The following NME7 variants were observed in gnomAD, a reference collection of about 807,000 sequenced individuals.
The protein encoded by NME7 is NME/NM23 family member 7, also known as nucleoside diphosphate kinase 7.
Under a neutral mutation model 49.1 loss-of-function variants are expected in NME7, and 41 were observed. The ratio of observed to expected loss-of-function variants is 0.83; its 90% CI spans 0.65 to 1.08. The LOEUF is 1.08. Ranked by LOEUF, NME7 falls within the 50% of genes least tolerant of loss-of-function variation. NME7 has a pLI of 0.00. For missense variants in NME7, 423 were observed against 463.4 expected (o/e 0.91, Z 0.80); for synonymous variants, 139 against 150.6 (o/e 0.92, Z 0.56).
intron 10 of NME7, among the ~76,000 whole-genome samples, chr1:169,200,393 G>A (rs1660513206): frequency 1.3e-5 from 2 of 152,122 alleles, no homozygotes; most frequent in Admixed American, 1.3e-4. Context: ...AGCATAGCCA[G>A]TGAGGGTAAG....
intron 10 of NME7, among the ~76,000 whole-genome samples, chr1:169,205,609 C>A (rs376315864): frequency 6.6e-6 from 1 of 152,094 alleles, no homozygotes; most frequent in Non-Finnish European, 1.5e-5. Context: ...GAATCTCAGG[C>A]GGCCTGGCTC....
chr1:169,253,079 A>T (rs374690215), intron 7 of NME7, among the ~76,000 whole-genome samples: 3 of 151,706 alleles, frequency 2.0e-5, no homozygotes, highest in African/African-American at 7.3e-5. Context: ...TTTAAAGTAG[A>T]TTTTTCCAAT....
intron 10 of NME7, among the ~76,000 whole-genome samples, chr1:169,178,794 A>C (rs1163886554): frequency 6.7e-6 from 1 of 149,862 alleles, no homozygotes. Context: ...ACCTATAATC[A>C]ATTAGACTTC....
chr1:169,187,522 T>A (rs1333561666), intron 10 of NME7, among the ~76,000 whole-genome samples: 1 of 152,176 alleles, frequency 6.6e-6, no homozygotes, highest in Non-Finnish European at 1.5e-5. Context: ...TCTTTTTTGA[T>A]CTTTGTTGGT....
At chr1:169,189,800 A>G (rs543039491) in intron 10 of NME7, among the ~76,000 whole-genome samples, 9 of 152,314 alleles carry the variant, frequency 5.9e-5, no homozygotes, top group Middle Eastern at 3.4e-3. Flanking sequence ...CTAATGTCTC[A>G]AATGTGACAT....
chr1:169,365,203 A>G (rs1653807231), intron 1 of NME7, among the ~76,000 whole-genome samples: 1 of 152,152 alleles, frequency 6.6e-6, no homozygotes, highest in African/African-American at 2.4e-5. Flanking sequence ...ACCAATCAGC[A>G]GCGCCCATTC....
intron 4 of NME7, among the ~76,000 whole-genome samples, chr1:169,307,649 T>C (rs185822111): frequency 1.3e-5 from 2 of 152,238 alleles, no homozygotes; most frequent in East Asian, 3.9e-4. Context: ...AGATACCAAG[T>C]CATCAGACAC....
At chr1:169,358,639 T>C (rs994722505) in intron 1 of NME7, among the ~76,000 whole-genome samples, 45 of 152,272 alleles carry the variant, frequency 3.0e-4, no homozygotes, top group African/African-American at 9.4e-4. Context: ...TAGGTAAGTA[T>C]TAACAGTGCC....
chr1:169,235,990 T>C (rs1446261147), intron 8 of NME7, among the ~76,000 whole-genome samples: 1 of 152,052 alleles, frequency 6.6e-6, no homozygotes, highest in African/African-American at 2.4e-5. Context: ...TTTCCCTCCA[T>C]TTTGCTTGTT....
chr1:169,205,712 C>T (rs1470695893), intron 10 of NME7, among the ~76,000 whole-genome samples: 2 of 152,138 alleles, frequency 1.3e-5, no homozygotes, highest in Admixed American at 1.3e-4. Flanking sequence ...CTATTCACCA[C>T]ATGGAAGCCA....
At chr1:169,342,945 T>G (rs1652822434) in intron 1 of NME7, among the ~76,000 whole-genome samples, 10 of 34,648 alleles carry the variant, frequency 2.9e-4, no homozygotes, top group East Asian at 8.5e-4. Flanking sequence ...ATATATATAC[T>G]TGTATTAGTA....
At chr1:169,151,356 C>A (rs558693065) in intron 11 of NME7, among the ~76,000 whole-genome samples, 2 of 152,216 alleles carry the variant, frequency 1.3e-5, no homozygotes, top group South Asian at 2.1e-4. Context: ...GGGAAGAGGC[C>A]TCGAGGGGAT....
chr1:169,338,974 T>C lies in NME7; in HGVS notation c.4-14474A>G, dbSNP rs536668941. Reference sequence around the variant, plus strand: ...TATTATACAATACAAATTGTCTCTCTAATAAAATTATGAAATTCTCAAAGA... The same window carrying C: ...TATTATACAATACAAATTGTCTCTCCAATAAAATTATGAAATTCTCAAAGA... On this transcript the variant is annotated intron_variant, in intron 1 of 11. Coordinates refer to ENST00000367811, the MANE Select transcript of NME7 (RefSeq NM_013330.5). Among the ~76,000 whole-genome samples the C allele has an allele frequency of 3.4e-4, 52 of 152,270 alleles. 1 individual carries two copies. The South Asian group carries it at 0.011, about 32-fold the overall frequency.
chr1:169,367,573 G>T (rs1274055753), intron 1 of NME7, 135 bp downstream of exon 1: 3 of 959,632 alleles, frequency 3.1e-6, no homozygotes, highest in Non-Finnish European at 5.1e-6. Flanking sequence ...GGAACAGCCC[G>T]TGGGAAGGGG....
At chr1:169,179,716 A>C (rs896874128) in intron 10 of NME7, among the ~76,000 whole-genome samples, 1 of 152,224 alleles carries the variant, frequency 6.6e-6, no homozygotes, top group Non-Finnish European at 1.5e-5. Flanking sequence ...TAGAAAATCA[A>C]ATACCCGCAT....
chr1:169,186,426 A>AAACCT (rs1474275038), intron 10 of NME7, among the ~76,000 whole-genome samples: 1 of 151,952 alleles, frequency 6.6e-6, no homozygotes, highest in East Asian at 1.9e-4. Context: ...ATTCATTTAA[A>AAACCT]AACCTAAATT....
intron 7 of NME7, among the ~76,000 whole-genome samples, chr1:169,238,806 T>C (rs1647968520): frequency 6.6e-6 from 1 of 152,082 alleles, no homozygotes; most frequent in South Asian, 2.1e-4. Context: ...AACAGGCTCA[T>C]GCCTAACTCA....
intron 7 of NME7, among the ~76,000 whole-genome samples, chr1:169,273,057 G>A (rs1649545241): frequency 7.5e-6 from 1 of 133,868 alleles, no homozygotes; most frequent in Non-Finnish European, 1.8e-5. Context: ...GTGATGTTGA[G>A]CTTTTTTTAA....
intron 10 of NME7, among the ~76,000 whole-genome samples, chr1:169,190,443 T>A (rs1227318374): frequency 6.6e-6 from 1 of 151,508 alleles, no homozygotes; most frequent in African/African-American, 2.4e-5. Flanking sequence ...ACAGTGTTTA[T>A]TTCTGAGAAG....
Sources: gnomAD v4.1 joint callset for allele counts (sites outside exome capture counted in the v4.1 genomes callset) on GRCh38, gnomAD v4.1.1 for gene constraint, MANE v1.5 for transcripts, NCBI Gene and HGNC (gene_info 2026-07-23, HGNC 2026-07-21) for gene names.